Variants in GBF1 observed in about 807,000 individuals in gnomAD.
The protein encoded by GBF1 is Golgi-specific brefeldin A-resistance guanine nucleotide exchange factor 1.
A neutral mutation model predicts 210.5 loss-of-function variants in GBF1; 114 were observed. That is an observed-to-expected ratio of 0.54 (90% CI 0.47 to 0.63). The LOEUF is 0.63. Among genes scored for constraint, GBF1 ranks in the 30% least tolerant of loss-of-function variants. The pLI, the probability that GBF1 is intolerant of heterozygous loss-of-function variation, is 0.00. For synonymous variants in GBF1, 850 were observed against 889.2 expected (o/e 0.96, Z 0.78); for missense variants, 1,851 against 2,357.7 (o/e 0.79, Z 4.45).
intron 3 of GBF1, among the ~76,000 whole-genome samples, chr10:102,262,353 A>T (rs896621265): frequency 4.0e-5 from 6 of 151,538 alleles, no homozygotes; most frequent in Admixed American, 6.6e-5. Flanking sequence ...TTTTTTTTTT[A>T]ATTTTACAGA....
intron 3 of GBF1, among the ~76,000 whole-genome samples, chr10:102,271,346 C>A (rs1048523184): frequency 3.3e-5 from 5 of 151,846 alleles, no homozygotes; most frequent in African/African-American, 1.2e-4. Context: ...CCATGCCTAG[C>A]TAATTTTTAA....
intron 23 of GBF1, 124 bp from the exon 24 acceptor site, chr10:102,369,087 A>C: frequency 1.3e-6 from 1 of 747,206 alleles, no homozygotes; most frequent in Non-Finnish European, 2.3e-6. Context: ...TCCCACCAGT[A>C]TTATGGGGGA....
At chr10:102,306,273 A>C (rs2077862852) in intron 3 of GBF1, among the ~76,000 whole-genome samples, 1 of 152,190 alleles carries the variant, frequency 6.6e-6, no homozygotes, top group Non-Finnish European at 1.5e-5. Context: ...ATTCAGTTTT[A>C]ATAGAAGTGG....
chr10:102,239,814 G>T, the GBF1 span, among the ~76,000 whole-genome samples: 2 of 152,218 alleles, frequency 1.3e-5, no homozygotes, highest in Admixed American at 1.3e-4. Flanking sequence ...GGTCAGGGTG[G>T]ATGGTCACTG....
In GBF1 at chr10:102,363,136, A is replaced by T; in HGVS notation, c.1877-120A>T. The T allele has an allele frequency of 1.2e-6, 1 of 861,540 alleles. No homozygotes were observed. Among genetic ancestry groups the T allele is most frequent in the Non-Finnish European group, 1.8e-6 (1 of 571,250 alleles). The allele number at this position is 861,540 out of a possible 1,614,324, so 53.4% of individuals were successfully genotyped here. A position where few individuals can be genotyped will look rare whatever the true frequency, so the allele number is the denominator to read the frequency against. ...ATTTTGGCTTGGGTTTGTCCTGCTC[A>T]GGGCTGGCGCCCTGTGCAGGAACCA... is the stretch of plus-strand genomic sequence containing the variant. On this transcript the variant is annotated intron_variant, in intron 15 of 39. Transcript: ENST00000369983. The surrounding 1 kb of genome is among the most constrained non-coding windows in gnomAD (Gnocchi z 4.2).
At chr10:102,252,304 C>T (rs1030802689) in intron 1 of GBF1, among the ~76,000 whole-genome samples, 5 of 150,366 alleles carry the variant, frequency 3.3e-5, no homozygotes, top group African/African-American at 1.2e-4. Flanking sequence ...TGCCATTGCA[C>T]TCCAGCCTGG....
At chr10:102,381,847 AAAG>A (rs2060876397) in intron 39 of GBF1, among the ~76,000 whole-genome samples, 1 of 150,888 alleles carries the variant, frequency 6.6e-6, no homozygotes, top group Non-Finnish European at 1.5e-5. Flanking sequence ...AAAAAAAAAA[AAAG>A]AGTAGCCTGG....
At chr10:102,307,555 C>G (rs933673328) in intron 3 of GBF1, among the ~76,000 whole-genome samples, 3 of 151,952 alleles carry the variant, frequency 2.0e-5, no homozygotes, top group Non-Finnish European at 4.4e-5. Flanking sequence ...CTTTGGGAGG[C>G]CAAGGCAGGC....
intron 3 of GBF1, among the ~76,000 whole-genome samples, chr10:102,270,504 C>CCA (rs1336594118): frequency 2.0e-5 from 3 of 152,124 alleles, no homozygotes; most frequent in Admixed American, 6.5e-5. Context: ...TGAAAGAATA[C>CCA]CATAATGATT....
chr10:102,353,796 T>A (rs1347866912), intron 8 of GBF1, 142 bp downstream of exon 8: 7 of 643,022 alleles, frequency 1.1e-5, no homozygotes, highest in South Asian at 5.4e-5. Context: ...CTCACTCCTT[T>A]CGTGAGAAAT....
chr10:102,258,413 C>G (rs1404221287), intron 1 of GBF1, among the ~76,000 whole-genome samples: 3 of 150,288 alleles, frequency 2.0e-5, no homozygotes, highest in African/African-American at 7.3e-5. Flanking sequence ...GCCTCTGCCT[C>G]TCAAAGTGCT....
At chr10:102,258,585 A>G (rs967679756) in intron 1 of GBF1, among the ~76,000 whole-genome samples, 1 of 150,708 alleles carries the variant, frequency 6.6e-6, no homozygotes, top group Admixed American at 6.6e-5. Context: ...CAGCCTGACC[A>G]ACACAGAGAA....
intron 3 of GBF1, among the ~76,000 whole-genome samples, chr10:102,339,953 A>T (rs202104627): frequency 1.5e-5 from 2 of 129,252 alleles, no homozygotes; most frequent in African/African-American, 3.0e-5. Context: ...TACCTGGTTA[A>T]TTTTTTTTTT....
At chr10:102,294,914 A>G (rs777715391) in intron 3 of GBF1, among the ~76,000 whole-genome samples, 1 of 152,150 alleles carries the variant, frequency 6.6e-6, no homozygotes, top group Non-Finnish European at 1.5e-5. Context: ...AAATCACCTA[A>G]CAATGCATTT....
At chr10:102,334,741 C>T (rs113398790) in intron 3 of GBF1, among the ~76,000 whole-genome samples, 7,363 of 151,606 alleles carry the variant, frequency 0.049, 362 homozygotes, top group African/African-American at 0.13. Flanking sequence ...CCCAGCTACT[C>T]GGGAGGCTGT....
intron 1 of GBF1, among the ~76,000 whole-genome samples, chr10:102,249,437 A>C (rs142310156): frequency 2.6e-3 from 397 of 152,322 alleles, no homozygotes; most frequent in African/African-American, 7.4e-3. Context: ...AGGAGATGGC[A>C]TGCTAGAGCT....
chr10:102,367,305 G>GT, intron 20 of GBF1, 95 bp downstream of exon 20: 2 of 1,386,670 alleles, frequency 1.4e-6, no homozygotes, highest in Non-Finnish European at 2.0e-6. Context: ...GATGGATGGG[G>GT]TTCTGTCCAA....
At chr10:102,308,986 A>T (rs1025246966) in intron 3 of GBF1, among the ~76,000 whole-genome samples, 1 of 152,200 alleles carries the variant, frequency 6.6e-6, no homozygotes, top group Non-Finnish European at 1.5e-5. Flanking sequence ...AGTTAGAATA[A>T]TGATTATCTT....
In GBF1 at chr10:102,370,220, T is replaced by C; in HGVS notation, c.3386T>C (p.Leu1129Pro). Reference sequence around the variant, plus strand: ...ATCACAGAAAGCAAGTTCCTCCAGCTGGAGTCACTACAGGAGCTCATGAAG... The same window carrying C: ...ATCACAGAAAGCAAGTTCCTCCAGCCGGAGTCACTACAGGAGCTCATGAAG... The part of the protein sequence containing the change: ...KMITESKFLQ[L>P]ESLQELMKAL... Residue 1129 changes from leucine (L) to proline (P), a missense_variant, in exon 27 of 40, where the codon CTG (leucine) becomes CCG (proline). Leu to Pro is a moderately conservative substitution (Grantham distance 98). Coordinates refer to ENST00000369983, the MANE Select transcript of GBF1 (RefSeq NM_001377137.1). The C allele has an allele frequency of 6.2e-7, 1 of 1,612,118 alleles. No individual in the cohort carries two copies. Among genetic ancestry groups the C allele is most frequent in the Non-Finnish European group, 8.5e-7 (1 of 1,178,210 alleles).
Sources: allele counts gnomAD v4.1 joint callset (sites outside exome capture counted in the v4.1 genomes callset), GRCh38; gene constraint gnomAD v4.1.1; non-coding constraint Gnocchi (gnomAD v3.1); transcripts MANE v1.5; gene names NCBI Gene and HGNC (gene_info 2026-07-23, HGNC 2026-07-21).